MTREX: variants seen among roughly 807,000 people sequenced by gnomAD.
MTREX encodes the protein Mtr4 exosome RNA helicase.
A neutral mutation model predicts 135.4 loss-of-function variants in MTREX; 76 were observed. That is an observed-to-expected ratio of 0.56 (90% CI 0.47 to 0.68). MTREX has a LOEUF of 0.68. MTREX is among the 30% of genes least tolerant of loss of function. The pLI, the probability that MTREX is intolerant of heterozygous loss-of-function variation, is 0.00. For synonymous variants in MTREX, 404 were observed against 401.6 expected, an observed-to-expected ratio of 1.01 and a Z score of -0.07; for missense variants, 920 against 1,262.1, an observed-to-expected ratio of 0.73 and a Z score of 4.11.
intron 1 of MTREX, among the ~76,000 whole-genome samples, chr5:55,313,736 T>C (rs1448030234): frequency 6.6e-6 from 1 of 152,216 alleles, no homozygotes; most frequent in Admixed American, 6.5e-5. Context: ...AAAGATTTTG[T>C]AGTTCCAAAA....
At chr5:55,379,548 T>G (rs1750359914) in intron 18 of MTREX, among the ~76,000 whole-genome samples, 1 of 149,662 alleles carries the variant, frequency 6.7e-6, no homozygotes, top group South Asian at 2.1e-4. Context: ...TGGTGGTGCT[T>G]TCCTTCCACT....
At chr5:55,378,226 C>T in intron 16 of MTREX, 88 bp from the exon 17 acceptor site, 1 of 1,416,440 alleles carries the variant, frequency 7.1e-7, no homozygotes, top group Non-Finnish European at 9.3e-7. Flanking sequence ...TACACTTGCA[C>T]CAACCTAATA....
chr5:55,364,003 T>C (rs1301973001), intron 15 of MTREX, among the ~76,000 whole-genome samples: 2 of 152,192 alleles, frequency 1.3e-5, no homozygotes, highest in Non-Finnish European at 2.9e-5. Context: ...CTGATAATTC[T>C]AGTTCAGGGA....
At chr5:55,323,284 T>C (rs1749317620) in intron 2 of MTREX, among the ~76,000 whole-genome samples, 1 of 152,230 alleles carries the variant, frequency 6.6e-6, no homozygotes, top group African/African-American at 2.4e-5. Context: ...TATTATTGAC[T>C]TAAATCTCAG....
At chr5:55,392,751 A>G (rs949180636) in intron 19 of MTREX, among the ~76,000 whole-genome samples, 5 of 152,110 alleles carry the variant, frequency 3.3e-5, no homozygotes, top group African/African-American at 1.2e-4. Context: ...ATGGCCTTCT[A>G]GATTTCCAGA....
rs1489788114 is a variant in MTREX at position 55,322,229 on chromosome 5, A to G, written c.135-98A>G. ...TTTGTAACATTCATCTATTTAAAAC[A>G]TGACTTTCTGTTAATGGTATAGAGC... On this transcript the variant is annotated intron_variant, in intron 1 of 26. Coordinates refer to ENST00000230640, the MANE Select transcript of MTREX (RefSeq NM_015360.5). 7.0e-6 allele frequency: 7 copies of G among 997,694 alleles called. 1 individual carries two copies. The highest frequency in any genetic ancestry group is 5.9e-5 in the Admixed American group (2 of 33,802). The allele number at this position is 997,694 out of a possible 1,614,324, so 61.8% of individuals were successfully genotyped here. A position where few individuals can be genotyped will look rare whatever the true frequency, so the allele number is the denominator to read the frequency against.
At chr5:55,398,923 G>A (rs1051156273) in intron 20 of MTREX, among the ~76,000 whole-genome samples, 1 of 152,146 alleles carries the variant, frequency 6.6e-6, no homozygotes, top group African/African-American at 2.4e-5. Context: ...CACATAGTGA[G>A]AAGCCACAGG....
chr5:55,326,008 G>T (rs1347189777), intron 3 of MTREX, among the ~76,000 whole-genome samples: 1 of 152,120 alleles, frequency 6.6e-6, no homozygotes, highest in Non-Finnish European at 1.5e-5. Context: ...TGTTTCTTTA[G>T]AGGTAGTACA....
intron 24 of MTREX, 25 bp downstream of exon 24, chr5:55,414,263 G>A (rs997307074): frequency 1.1e-5 from 5 of 472,352 alleles, no homozygotes; most frequent in Non-Finnish European, 1.2e-5. Flanking sequence ...TTTTTTTTTT[G>A]AACTACATAT....
intron 5 of MTREX, among the ~76,000 whole-genome samples, chr5:55,335,147 G>T (rs1467136036): frequency 6.6e-6 from 1 of 151,960 alleles, no homozygotes; most frequent in Admixed American, 6.6e-5. Flanking sequence ...GTTTATTTCA[G>T]TCTTGCTGAT....
Position 55,403,219 on chromosome 5 carries a change from C to CA in MTREX, c.2482-2197dup, listed in dbSNP as rs576509416. On this transcript the variant is annotated intron_variant, in intron 21 of 26. Transcript: ENST00000230640. Reference sequence around the variant, plus strand: ...CTATCTCTTTAAAAAAAAACAAAAACAAAAAAAAAGTGTACATGTGCAGTC... The same window carrying CA: ...CTATCTCTTTAAAAAAAAACAAAAACAAAAAAAAAAGTGTACATGTGCAGTC... 2.0e-3 allele frequency among the ~76,000 whole-genome samples: 296 copies of CA among 150,246 alleles called. 1 individual carries two copies. Among genetic ancestry groups the CA allele is most frequent in the Non-Finnish European group, 1.6e-3 (106 of 67,466 alleles).
At chr5:55,402,318 T>C (rs1434642408) in intron 21 of MTREX, among the ~76,000 whole-genome samples, 2 of 152,232 alleles carry the variant, frequency 1.3e-5, no homozygotes, top group African/African-American at 2.4e-5. Context: ...TATCCAGTTG[T>C]GATTCTCACC....
chr5:55,347,296 G>T, intron 11 of MTREX, 152 bp downstream of exon 11: 1 of 646,754 alleles, frequency 1.5e-6, no homozygotes, highest in Non-Finnish European at 2.5e-6. Context: ...AGCTTTAAAG[G>T]CCTTTGACTT....
chr5:55,350,947 G>A lies in MTREX; in HGVS notation c.1349G>A (p.Arg450Lys). ...QVEHVLPLLK[R>K]GIGIHHGGLL... ...GAACATGTACTTCCTCTTTTGAAGA[G>A]GGGAATTGGTATTCACCATGGTGGT... Residue 450 changes from arginine to lysine, a missense_variant, in exon 13 of 27, where the codon AGG (arginine) becomes AAG (lysine). This residue lies in a region of MTREX where 101 missense variants were observed against 119.1 expected (regional missense o/e 0.85). Transcript: ENST00000230640. 6.2e-7 allele frequency: 1 copy of A among 1,605,368 alleles called. No individual in the cohort carries two copies. The highest frequency in any genetic ancestry group is 8.5e-7 in the Non-Finnish European group (1 of 1,177,586).
intron 20 of MTREX, among the ~76,000 whole-genome samples, chr5:55,398,539 T>C (rs935382068): frequency 1.3e-5 from 2 of 152,204 alleles, no homozygotes; most frequent in African/African-American, 4.8e-5. Flanking sequence ...TAAATAAATA[T>C]CTTATAAGTT....
At chr5:55,390,186 T>C (rs1195764549) in intron 19 of MTREX, among the ~76,000 whole-genome samples, 1 of 152,160 alleles carries the variant, frequency 6.6e-6, no homozygotes, top group African/African-American at 2.4e-5. Context: ...CACTACCACC[T>C]CTGCCTCCTG....
At chr5:55,392,509 C>G (rs1030851083) in intron 19 of MTREX, among the ~76,000 whole-genome samples, 4 of 144,360 alleles carry the variant, frequency 2.8e-5, no homozygotes, top group Non-Finnish European at 6.0e-5. Context: ...TGTCACTTCA[C>G]TTCAGCCTGG....
intron 1 of MTREX, among the ~76,000 whole-genome samples, chr5:55,310,045 T>A (rs939339530): frequency 3.3e-5 from 5 of 152,212 alleles, no homozygotes; most frequent in African/African-American, 1.2e-4. Flanking sequence ...ACTATGATAT[T>A]ATGAAGACAA....
intron 23 of MTREX, among the ~76,000 whole-genome samples, chr5:55,413,930 A>C (rs886887237): frequency 1.3e-5 from 2 of 152,230 alleles, no homozygotes; most frequent in African/African-American, 4.8e-5. Flanking sequence ...GGAGCTAGTT[A>C]GCACACTTTG....
Sources: gnomAD v4.1 joint callset for allele counts (sites outside exome capture counted in the v4.1 genomes callset) on GRCh38, gnomAD v4.1.1 for gene constraint, gnomAD v4.1.1 regional missense constraint, MANE v1.5 for transcripts, NCBI Gene and HGNC (gene_info 2026-07-23, HGNC 2026-07-21) for gene names.